ANK1: variants seen among roughly 807,000 people sequenced by gnomAD.
ANK1 encodes ankyrin-1.
ANK1 carries 51 observed loss-of-function variants against 210.4 expected under a neutral mutation model. The ratio of observed to expected loss-of-function variants is 0.24; its 90% CI spans 0.19 to 0.31. ANK1 has a LOEUF of 0.31. ANK1 is among the 10% of genes least tolerant of loss of function. The probability of loss-of-function intolerance (pLI) is 1.00; values close to 1 mark genes in which losing one functional copy is unlikely to be tolerated. For synonymous variants in ANK1, 967 were observed against 1,025.9 expected (o/e 0.94, Z 1.10); for missense variants, 2,051 against 2,504.4 (o/e 0.82, Z 3.86).
intron 17 of ANK1, among the ~76,000 whole-genome samples, chr8:41,707,514 G>A (rs999712634): frequency 4.6e-5 from 7 of 152,216 alleles, no homozygotes; most frequent in African/African-American, 9.7e-5. Flanking sequence ...GCAGGCAGGC[G>A]GGGGTGGCTC....
At chr8:41,830,696 A>T (rs910514765) in intron 1 of ANK1, among the ~76,000 whole-genome samples, 1 of 152,188 alleles carries the variant, frequency 6.6e-6, no homozygotes, top group Non-Finnish European at 1.5e-5. Flanking sequence ...GAAGCGAGTA[A>T]GAAAAGCAAA....
rs1272863547 is a variant in ANK1, at chr8:41,688,557, C to G, written c.4137G>C (p.Pro1379=). 6.2e-7 allele frequency: 1 copy of G among 1,614,156 alleles called. No homozygotes were observed. Among genetic ancestry groups the G allele is most frequent in the South Asian group, 1.1e-5 (1 of 91,070 alleles). The change falls in exon 34 of 43, where the codon CCG becomes CCC. Residue 1379 remains proline, a synonymous_variant. Transcript: ENST00000289734. ...TGCTGTATCGCAGGGCCAGGGGCGT[C>G]GGGGTCCTTCTCCTATCTTCGGCTC... The part of the protein sequence containing the change: ...GSGAEDRRRT[P]TPLALRYSIL...
At chr8:41,665,023 T>C in intron 39 of ANK1, 4 of 1,613,118 alleles carry the variant, frequency 2.5e-6, no homozygotes, top group Non-Finnish European at 3.4e-6. Context: ...AAAGTCCACA[T>C]CCTCGCCTCC....
chr8:41,801,029 C>T (rs972396296), upstream of ANK1, among the ~76,000 whole-genome samples: 27 of 152,208 alleles, frequency 1.8e-4, no homozygotes, highest in Non-Finnish European at 2.4e-4. Context: ...TTTGCTGCAA[C>T]GTCATGTTCC....
chr8:41,692,913 C>T (rs908718966), intron 30 of ANK1, 37 bp from the exon 31 acceptor site: 1 of 1,591,948 alleles, frequency 6.3e-7, no homozygotes, highest in African/African-American at 1.3e-5. Flanking sequence ...CCCAAGTGCC[C>T]AACAGAGAGC....
intron 42 of ANK1, among the ~76,000 whole-genome samples, chr8:41,659,948 A>G (rs1201289219): frequency 2.0e-5 from 3 of 152,144 alleles, no homozygotes; most frequent in Admixed American, 2.0e-4. Flanking sequence ...AGGAGCATCC[A>G]TAGAGCCTGA....
In ANK1 at chr8:41,719,775, T is replaced by C; in HGVS notation, c.993A>G (p.Ile331Met). ...TCAGGTGGTCCAGGGTGATGTCGTC[T>C]ATCTCTGCGTCGTATTGCAACAGGA... ...VRLLLQYDAE[I>M]DDITLDHLTP... Residue 331 changes from isoleucine to methionine, a missense_variant, in exon 10 of 43, where the codon ATA becomes ATG. Around this residue, in one of 6 missense-constraint regions of ANK1, gnomAD observed 1,413 missense variants for 1,707.4 expected, o/e 0.83. Transcript: ENST00000289734. The C allele has an allele frequency of 6.2e-7, 1 of 1,614,212 alleles. No homozygotes were observed. Among genetic ancestry groups the C allele is most frequent in the Non-Finnish European group, 8.5e-7 (1 of 1,180,040 alleles).
In ANK1 at chr8:41,690,432, T is replaced by C. The variant is rs752520626; in HGVS notation, c.3984+42A>G. On this transcript the variant is annotated intron_variant, in intron 32 of 42. Coordinates refer to ENST00000289734, the MANE Select transcript of ANK1 (RefSeq NM_000037.4). Reference sequence around the variant, plus strand: ...GTTTAGGGAATTCTGCCTCCCCAACTTTCTAGACCCAGAGGAGAACTCAGC... The same window carrying C: ...GTTTAGGGAATTCTGCCTCCCCAACCTTCTAGACCCAGAGGAGAACTCAGC... The C allele has an allele frequency of 2.5e-6, 4 of 1,614,044 alleles. No homozygotes were observed. The Admixed American group carries it at 6.7e-5, about 27-fold the overall frequency.
Position 41,871,392 on chromosome 8 carries a change from CA to C in ANK1, c.126+24962del, listed in dbSNP as rs1587539231. Among the ~76,000 whole-genome samples, 3 of 152,202 alleles carry C rather than the reference CA, an allele frequency of 2.0e-5. 1 individual carries two copies. The highest frequency in any genetic ancestry group is 1.9e-4 in the East Asian group (1 of 5,188). ...GCATGATCACAGCTCACTGCAGCGTCAAACTCCTGGGTTCAAGCCATCCTCC... is the reference window on the plus strand; with the variant it reads ...GCATGATCACAGCTCACTGCAGCGTCAACTCCTGGGTTCAAGCCATCCTCC... On this transcript the variant is annotated intron_variant, in intron 1 of 42. Coordinates refer to the ANK1 transcript ENST00000265709.
At chr8:41,665,069 C>T in intron 39 of ANK1, 3 of 1,602,700 alleles carry the variant, frequency 1.9e-6, no homozygotes, top group Non-Finnish European at 2.5e-6. Context: ...AGGGCCCCGG[C>T]CACCACGGGG....
At chr8:41,890,707 T>C (rs1164305202) in intron 1 of ANK1, among the ~76,000 whole-genome samples, 2 of 85,268 alleles carry the variant, frequency 2.3e-5, no homozygotes, top group African/African-American at 7.8e-5. Context: ...AGACTCCGTC[T>C]CAAAAAAAAA....
At chr8:41,803,796 T>C (rs1850529592) in intron 1 of ANK1, among the ~76,000 whole-genome samples, 1 of 152,056 alleles carries the variant, frequency 6.6e-6, no homozygotes, top group African/African-American at 2.4e-5. Context: ...TTTCTTTTCC[T>C]TTTTTGTGAA....
At chr8:41,794,709 G>T (rs1447088313) in intron 1 of ANK1, among the ~76,000 whole-genome samples, 1 of 152,078 alleles carries the variant, frequency 6.6e-6, no homozygotes, top group African/African-American at 2.4e-5. Flanking sequence ...TTGTTTGTTT[G>T]TTTGTTTGTT....
At chr8:41,889,611 T>C (rs899448360) in intron 1 of ANK1, among the ~76,000 whole-genome samples, 2 of 152,124 alleles carry the variant, frequency 1.3e-5, no homozygotes, top group African/African-American at 4.8e-5. Context: ...CCAATGCAAG[T>C]TTTCCTTTCT....
At chr8:41,855,540 A>T (rs1812038147) in intron 1 of ANK1, among the ~76,000 whole-genome samples, 1 of 152,218 alleles carries the variant, frequency 6.6e-6, no homozygotes, top group Non-Finnish European at 1.5e-5. Flanking sequence ...GAACCCACAG[A>T]GCCACTGCGG....
chr8:41,854,842 C>T lies in ANK1; in HGVS notation c.126+41513G>A, dbSNP rs952474148. 2.6e-5 allele frequency among the ~76,000 whole-genome samples: 4 copies of T among 151,360 alleles called. 1 individual carries two copies. The highest frequency in any genetic ancestry group is 1.9e-4 in the East Asian group (1 of 5,166). On this transcript the variant is annotated intron_variant, in intron 1 of 42. Transcript: ENST00000265709. ...GCGCACAGCTGTAGTCCTAGCTACTCGGGAGGCTGAGGTGGGAGGATTGCT... is the reference window on the plus strand; with the variant it reads ...GCGCACAGCTGTAGTCCTAGCTACTTGGGAGGCTGAGGTGGGAGGATTGCT...
chr8:41,803,093 GGAAAGGAAAGGA>G (rs1850381402), intron 1 of ANK1, among the ~76,000 whole-genome samples: 6 of 100,530 alleles, frequency 6.0e-5, no homozygotes, highest in African/African-American at 2.3e-4. Context: ...GGGAAGGAAA[GGAAAGGAAAGGA>G]AAGGAAAGGA....
intron 42 of ANK1, among the ~76,000 whole-genome samples, chr8:41,658,842 G>A (rs1228105000): frequency 6.6e-6 from 1 of 152,238 alleles, no homozygotes; most frequent in African/African-American, 2.4e-5. Context: ...GCAGTGAGCC[G>A]AGATAGTGCC....
intron 1 of ANK1, among the ~76,000 whole-genome samples, chr8:41,881,672 C>T (rs555786199): frequency 3.9e-5 from 6 of 152,326 alleles, no homozygotes; most frequent in African/African-American, 1.4e-4. Context: ...TTAATCCTCA[C>T]AATCACCCTG....
Sources: allele counts gnomAD v4.1 joint callset (sites outside exome capture counted in the v4.1 genomes callset), GRCh38; gene constraint gnomAD v4.1.1; regional missense constraint gnomAD v4.1.1; transcripts MANE v1.5; gene names NCBI Gene and HGNC (gene_info 2026-07-23, HGNC 2026-07-21).